Variants in UNC13A observed in about 807,000 individuals in gnomAD.
UNC13A encodes the protein unc-13 homolog A, also known as protein unc-13 homolog A.
UNC13A carries 61 observed loss-of-function variants against 219.7 expected under a neutral mutation model. The observed-to-expected ratio is 0.28, with a 90% CI of 0.23 to 0.34. The LOEUF is 0.34. Among genes scored for constraint, UNC13A ranks in the 10% least tolerant of loss-of-function variants. The probability of loss-of-function intolerance (pLI) is 1.00; values close to 1 mark genes in which losing one functional copy is unlikely to be tolerated. For missense variants in UNC13A, 1,476 were observed against 2,270.3 expected (o/e 0.65, Z 7.11); for synonymous variants, 920 against 884.6 (o/e 1.04, Z -0.71).
At chr19:17,639,575 G>A (rs2076945894) in intron 23 of UNC13A, 50 bp from the exon 24 acceptor site, 41 of 1,574,662 alleles carry the variant, frequency 2.6e-5, no homozygotes, top group Non-Finnish European at 3.5e-5. Flanking sequence ...GCGTGGGGAG[G>A]ATGGGAGACT....
Position 17,604,583 on chromosome 19 carries a change from A to G in UNC13A, c.*1471T>C, listed in dbSNP as rs1325895425. On this transcript the variant is annotated 3_prime_UTR_variant, in exon 44 of 44. Coordinates refer to ENST00000519716, the MANE Select transcript of UNC13A (RefSeq NM_001080421.3). ...GCTCACCCCGTTTTCATTTCTCCCT[A>G]GCACAGCAAAATCTTGTCCTTCCCA... is the stretch of plus-strand genomic sequence containing the variant. 6.6e-6 allele frequency: 1 copy of G among 152,352 alleles called. No homozygotes were observed. The highest frequency in any genetic ancestry group is 2.4e-5 in the African/African-American group (1 of 41,448). 9.4% of individuals were successfully genotyped at this position (152,352 alleles called of 1,614,324 possible).
chr19:17,667,531 C>T (rs2145896254), intron 6 of UNC13A, among the ~76,000 whole-genome samples: 1 of 152,006 alleles, frequency 6.6e-6, no homozygotes, highest in South Asian at 2.1e-4. Context: ...TGGAGTGCAG[C>T]AGCGTGATCT....
At position 17,640,679 on chromosome 19, in the gene UNC13A, G is replaced by C. The variant is rs767679990; in HGVS notation, c.2637-18C>G. On this transcript the variant is annotated intron_variant, in intron 21 of 43. Coordinates refer to ENST00000519716, the MANE Select transcript of UNC13A (RefSeq NM_001080421.3). ...CAAAGTGGCTGGAGAGAGGGAGCAG[G>C]AGGCACTAGGCCAGGGGTCCAGCCA... The C allele has an allele frequency of 1.2e-5, 18 of 1,564,092 alleles. No individual in the cohort carries two copies. In the South Asian group the frequency reaches 2.0e-4, roughly 18 times the overall value.
intron 22 of UNC13A, 38 bp downstream of exon 22, chr19:17,640,473 C>T (rs903274669): frequency 1.8e-5 from 28 of 1,531,038 alleles, no homozygotes; most frequent in Non-Finnish European, 2.3e-5. Flanking sequence ...TAAAGTTGGG[C>T]TCTCCCTAAT....
chr19:17,629,697 C>G (rs746063968), intron 30 of UNC13A, among the ~76,000 whole-genome samples: 4 of 152,016 alleles, frequency 2.6e-5, no homozygotes, highest in Admixed American at 6.6e-5. Context: ...CCCTCAAACT[C>G]ACCCCAAGAC....
At chr19:17,664,546 G>A (rs1599396360) in intron 7 of UNC13A, among the ~76,000 whole-genome samples, 1 of 152,140 alleles carries the variant, frequency 6.6e-6, no homozygotes, top group Non-Finnish European at 1.5e-5. Context: ...CTGAGTGGTG[G>A]TCTCCACTTC....
At position 17,617,766 on chromosome 19, in the gene UNC13A, CAG is replaced by C; in HGVS notation, c.4492_4493del (p.Leu1498ValfsTer31). On this transcript the variant is annotated frameshift_variant, in exon 41 of 44. Coordinates refer to ENST00000519716, the MANE Select transcript of UNC13A (RefSeq NM_001080421.3). LOFTEE classifies it high-confidence loss of function. ...GGTCGGTGGCCTGCGTGTAGAGCGA[CAG>C]GGCATAGCGCAAGGATTGCAGGTCC... Reference protein sequence around the residue: ...SPDLQSLRYALSLYTQATDLL... With the variant: ...SPDLQSLRYAXSLYTQATDLL... 6.2e-7 allele frequency: 1 copy of C among 1,613,294 alleles called. No homozygotes were observed. Among genetic ancestry groups the C allele is most frequent in the Non-Finnish European group, 8.5e-7 (1 of 1,179,530 alleles).
rs1179344710 is a variant in UNC13A, at chr19:17,645,743, C to T, written c.2287G>A (p.Asp763Asn). ...VKQRFKRESDDFLGQTIIEVR... is the reference protein window; with the variant it reads ...VKQRFKRESDNFLGQTIIEVR... ...TCAATGATCGTCTGCCCCAGGAAAT[C>T]GTCAGATTCCCTCTTGAACCTCTGT... Residue 763 changes from aspartate to asparagine, a missense_variant, in exon 19 of 44, where the codon GAT becomes AAT. By Grantham distance (23) the Asp-to-Asn change is conservative (BLOSUM62 1). Transcript: ENST00000519716. The T allele has an allele frequency of 6.2e-7, 1 of 1,614,200 alleles. No homozygotes were observed. Among genetic ancestry groups the T allele is most frequent in the Non-Finnish European group, 8.5e-7 (1 of 1,180,030 alleles).
At position 17,627,580 on chromosome 19, in the gene UNC13A, A is replaced by G. The variant is rs1406544290; in HGVS notation, c.3849T>C (p.Ser1283=). 1 of 1,560,802 alleles carries G rather than the reference A, an allele frequency of 6.4e-7. No individual in the cohort carries two copies. The highest frequency in any genetic ancestry group is 8.7e-7 in the Non-Finnish European group (1 of 1,151,466). Residue 1283 remains serine, a synonymous_variant, in exon 33 of 44, where the codon AGT becomes AGC. Coordinates refer to ENST00000519716, the MANE Select transcript of UNC13A (RefSeq NM_001080421.3). This position sits in a 1 kb window ranked among gnomAD's most constrained non-coding sequence, Gnocchi z 4.7. ...MGGKELDAEA[S]DILKELQVKL... is the part of the protein sequence containing the mutation. ...TCACCTGAAGCTCCTTCAGGATGTC[A>G]CTGGCTTCAGCATCCAGCTAAGGAG...
rs748963995 is a variant in UNC13A, at chr19:17,609,949, C to T, written c.4802G>A (p.Ser1601Asn). The T allele has an allele frequency of 9.9e-6, 16 of 1,613,644 alleles. No individual in the cohort carries two copies. Among genetic ancestry groups the T allele is most frequent in the Non-Finnish European group, 1.4e-5 (16 of 1,179,892 alleles). ...NNSWAPKYNE[S>N]FQFTLSADAG... ...AGCATCCCAAACTCACAACTGGAAG[C>T]TCTCATTGTACTTGGGAGCCCAGCT... Residue 1601 changes from serine (S) to asparagine (N), a missense_variant, in exon 43 of 44, where the codon AGC becomes AAC. By Grantham distance (46) the Ser-to-Asn change is conservative. This residue lies in a region of UNC13A where 187 missense variants were observed against 172.3 expected (regional missense o/e 1.09). Transcript: ENST00000519716.
At chr19:17,632,142 C>T (rs2076862543) in intron 28 of UNC13A, among the ~76,000 whole-genome samples, 1 of 152,180 alleles carries the variant, frequency 6.6e-6, no homozygotes, top group Non-Finnish European at 1.5e-5. Flanking sequence ...AACTCCTGAC[C>T]TCTGGTGATC....
At chr19:17,630,006 A>G (rs2144997947) in intron 30 of UNC13A, 139 bp downstream of exon 30, 2 of 1,015,576 alleles carry the variant, frequency 2.0e-6, no homozygotes, top group Non-Finnish European at 2.8e-6. Flanking sequence ...ACCTCAACCC[A>G]AACTCCAACT....
At chr19:17,668,086 A>G (rs2079695407) in intron 6 of UNC13A, 31 bp downstream of exon 6, 2 of 1,607,448 alleles carry the variant, frequency 1.2e-6, no homozygotes, top group Non-Finnish European at 1.7e-6. Context: ...GAAACAAGGA[A>G]GAAACAGTCC....
rs1022200814 is a variant in UNC13A at position 17,656,416 on chromosome 19, G to A, written c.768-18C>T. ...CCGTGGGGCTGTGGGGATGGAACAGGGTTCAGGGACTGGGGTACCGAGTCA... is the reference window on the plus strand; with the variant it reads ...CCGTGGGGCTGTGGGGATGGAACAGAGTTCAGGGACTGGGGTACCGAGTCA... On this transcript the variant is annotated intron_variant, in intron 9 of 43. Coordinates refer to ENST00000519716, the MANE Select transcript of UNC13A (RefSeq NM_001080421.3). 2.7e-6 allele frequency: 4 copies of A among 1,494,410 alleles called. No individual in the cohort carries two copies. The highest frequency in any genetic ancestry group is 3.6e-6 in the Non-Finnish European group (4 of 1,124,412). 92.6% of individuals were successfully genotyped at this position (1,494,410 alleles called of 1,614,324 possible).
intron 40 of UNC13A, 125 bp downstream of exon 40, chr19:17,618,296 G>A: frequency 9.5e-7 from 1 of 1,050,802 alleles, no homozygotes; most frequent in Non-Finnish European, 1.4e-6. Context: ...CACAGACAGG[G>A]GAACGAGGGA....
intron 16 of UNC13A, 97 bp downstream of exon 16, chr19:17,648,334 C>G: frequency 9.3e-6 from 5 of 537,492 alleles, no homozygotes; most frequent in Non-Finnish European, 1.3e-5. Context: ...CCCCATGGTG[C>G]CCCACCCATC....
chr19:17,663,378 A>T (rs1281999617), intron 8 of UNC13A, among the ~76,000 whole-genome samples, 154 bp downstream of exon 8: 1 of 149,334 alleles, frequency 6.7e-6, no homozygotes, highest in East Asian at 2.0e-4. Flanking sequence ...GGGTACAGGA[A>T]AGCTTGAAAG....
At chr19:17,638,841 AT>A (rs561109982) in intron 25 of UNC13A, among the ~76,000 whole-genome samples, 1,619 of 149,682 alleles carry the variant, frequency 0.011, 26 homozygotes, top group African/African-American at 0.036. Context: ...AAAAAAAAAA[AT>A]TTTTTTTTAT....
At chr19:17,618,803 C>T in intron 39 of UNC13A, 103 bp downstream of exon 39, 2 of 1,094,998 alleles carry the variant, frequency 1.8e-6, no homozygotes, top group Non-Finnish European at 2.8e-6. Context: ...GCCTGTAATG[C>T]ATGTCATCAT....
Sources: allele counts gnomAD v4.1 joint callset (sites outside exome capture counted in the v4.1 genomes callset), GRCh38; gene constraint gnomAD v4.1.1; regional missense constraint gnomAD v4.1.1; non-coding constraint Gnocchi (gnomAD v3.1); transcripts MANE v1.5; gene names NCBI Gene and HGNC (gene_info 2026-07-23, HGNC 2026-07-21).